SH3D19: variants seen among roughly 807,000 people sequenced by gnomAD.
SH3D19 encodes SH3 domain containing 19, also known as SH3 domain-containing protein 19.
In SH3D19, 58 loss-of-function variants were observed where a neutral mutation model predicts 112.1. The observed-to-expected ratio is 0.52, with a 90% CI of 0.42 to 0.64. SH3D19 has a LOEUF of 0.64. Ranked by LOEUF, SH3D19 falls within the 30% of genes least tolerant of loss-of-function variation. The pLI is 0.00. For synonymous variants in SH3D19, 391 were observed against 448.5 expected (o/e 0.87, Z 1.62); for missense variants, 1,090 against 1,263.4 (o/e 0.86, Z 2.08).
At chr4:151,246,224 A>C (rs28650996) in intron 1 of SH3D19, among the ~76,000 whole-genome samples, 49,878 of 152,086 alleles carry the variant, frequency 0.33, 9,494 homozygotes, top group Non-Finnish European at 0.44. Context: ...TGGTATATAT[A>C]TAGATGGGTA....
chr4:151,242,647 G>A (rs1170610571), intron 1 of SH3D19, among the ~76,000 whole-genome samples: 1 of 152,068 alleles, frequency 6.6e-6, no homozygotes, highest in East Asian at 1.9e-4. Flanking sequence ...AAACTGAAAT[G>A]GAATGAAAAG....
chr4:151,227,767 T>G, intron 1 of SH3D19: 1 of 985,464 alleles, frequency 1.0e-6, no homozygotes, highest in Non-Finnish European at 1.2e-6. Flanking sequence ...TACCTGTGGC[T>G]AAAGCCGAGC....
rs1580381578 is a variant in SH3D19 at position 151,277,279 on chromosome 4, G to A, written c.112+47962C>T. 6 of 1,370,268 alleles carry A rather than the reference G, an allele frequency of 4.4e-6. No individual in the cohort carries two copies. The East Asian group carries it at 1.5e-4, about 35-fold the overall frequency. The allele number at this position is 1,370,268 out of a possible 1,614,324, so 84.9% of individuals were successfully genotyped here. A position where few individuals can be genotyped will look rare whatever the true frequency, so the allele number is the denominator to read the frequency against. On this transcript the variant is annotated intron_variant, in intron 1 of 19. Coordinates refer to ENST00000604030, the MANE Select transcript of SH3D19 (RefSeq NM_001378122.1). ...GAGGCAGAGGATTTTTACTAAAGAG[G>A]GCATCACATAGAACAATGTGACACT...
intron 12 of SH3D19, among the ~76,000 whole-genome samples, chr4:151,142,785 A>T (rs936393790): frequency 6.7e-5 from 10 of 150,294 alleles, no homozygotes; most frequent in Admixed American, 2.7e-4. Context: ...AGTTTTATTT[A>T]AAAAAAAAAT....
intron 19 of SH3D19, among the ~76,000 whole-genome samples, chr4:151,124,488 G>A (rs919246075): frequency 6.6e-6 from 1 of 151,992 alleles, no homozygotes; most frequent in Non-Finnish European, 1.5e-5. Context: ...GGAGGCCAAG[G>A]CAGGTGGATT....
chr4:151,301,223 G>C (rs1728383234), intron 1 of SH3D19, among the ~76,000 whole-genome samples: 1 of 152,064 alleles, frequency 6.6e-6, no homozygotes, highest in South Asian at 2.1e-4. Context: ...CGTGAGATCT[G>C]CTTGTTTTTA....
chr4:151,143,909 C>A lies in SH3D19; in HGVS notation c.2223+1G>T. The A allele has an allele frequency of 1.2e-6, 2 of 1,611,702 alleles. No individual in the cohort carries two copies. Among genetic ancestry groups the A allele is most frequent in the African/African-American group, 2.7e-5 (2 of 74,960 alleles). ...GGGCTGTAACAATATTAATTCCTTA[C>A]GTTTGGTCTGCTTCTAAGATGTTCA... On this transcript the variant is annotated splice_donor_variant, in intron 12 of 19. Transcript: ENST00000604030. LOFTEE classifies it high-confidence loss of function.
At chr4:151,252,090 G>A (rs1174401702) in intron 1 of SH3D19, among the ~76,000 whole-genome samples, 1 of 152,116 alleles carries the variant, frequency 6.6e-6, no homozygotes, top group Non-Finnish European at 1.5e-5. Flanking sequence ...CCTTCCAATT[G>A]GTGAGCTGGG....
At chr4:151,126,622 C>A (rs1411221851) in intron 19 of SH3D19, among the ~76,000 whole-genome samples, 1 of 151,480 alleles carries the variant, frequency 6.6e-6, no homozygotes, top group Non-Finnish European at 1.5e-5. Context: ...GGTGAAACCT[C>A]GTCTCTACTA....
chr4:151,271,887 T>C (rs1322013399), intron 1 of SH3D19, among the ~76,000 whole-genome samples: 1 of 152,204 alleles, frequency 6.6e-6, no homozygotes, highest in East Asian at 1.9e-4. Context: ...ATTATTATTA[T>C]ATTTATTGTG....
intron 7 of SH3D19, among the ~76,000 whole-genome samples, chr4:151,166,856 T>C (rs948826674): frequency 1.3e-5 from 2 of 152,190 alleles, no homozygotes; most frequent in African/African-American, 2.4e-5. Flanking sequence ...CGCCTTCTCT[T>C]CCACTCAGTT....
chr4:151,123,395 T>A (rs1269340716), intron 19 of SH3D19, among the ~76,000 whole-genome samples: 1 of 152,240 alleles, frequency 6.6e-6, no homozygotes, highest in Admixed American at 6.5e-5. Context: ...TTTTGCACTC[T>A]ACATTTATTC....
intron 3 of SH3D19, among the ~76,000 whole-genome samples, chr4:151,185,984 G>A (rs1406323300): frequency 1.3e-5 from 2 of 152,152 alleles, no homozygotes; most frequent in Admixed American, 1.3e-4. Flanking sequence ...AGGTAGCAAC[G>A]AGACAAGATC....
Position 151,176,696 on chromosome 4 carries a change from T to C in SH3D19, c.376-9A>G. The C allele has an allele frequency of 8.1e-7, 1 of 1,231,962 alleles. No homozygotes were observed. Among genetic ancestry groups the C allele is most frequent in the Non-Finnish European group, 1.0e-6 (1 of 987,794 alleles). 76.3% of individuals were successfully genotyped at this position (1,231,962 alleles called of 1,614,324 possible). The stretch of plus-strand genomic sequence containing the variant: ...TCATAAGATGGTGGGAGCTGAAAAG[T>C]AAAGAATGAAGATTTTAGACATCTA... On this transcript the variant is annotated splice_polypyrimidine_tract_variant and intron_variant, in intron 5 of 19. Coordinates refer to ENST00000604030, the MANE Select transcript of SH3D19 (RefSeq NM_001378122.1).
chr4:151,170,320 T>G (rs1019956756), intron 7 of SH3D19, among the ~76,000 whole-genome samples: 4 of 152,144 alleles, frequency 2.6e-5, no homozygotes, highest in African/African-American at 7.2e-5. Context: ...GTTACAAGAT[T>G]AAGCTGAGTT....
At chr4:151,133,837 T>A (rs1040345512) in intron 15 of SH3D19, among the ~76,000 whole-genome samples, 2 of 152,184 alleles carry the variant, frequency 1.3e-5, no homozygotes, top group Admixed American at 1.3e-4. Context: ...TTAAAAGGGC[T>A]TCATTTCTGA....
At chr4:151,165,880 C>A in intron 7 of SH3D19, 184 bp from the exon 8 acceptor site, 1 of 549,484 alleles carries the variant, frequency 1.8e-6, no homozygotes, top group Non-Finnish European at 3.2e-6. Flanking sequence ...ACTTAGTGTT[C>A]TGTAAATAAT....
At chr4:151,139,016 G>T (rs1332494239) in intron 13 of SH3D19, among the ~76,000 whole-genome samples, 1 of 151,904 alleles carries the variant, frequency 6.6e-6, no homozygotes, top group Non-Finnish European at 1.5e-5. Flanking sequence ...TATAGAGACG[G>T]GGTTTCAACA....
At chr4:151,179,210 T>C in intron 4 of SH3D19, 145 bp downstream of exon 4, 1 of 437,076 alleles carries the variant, frequency 2.3e-6, no homozygotes, top group Non-Finnish European at 3.8e-6. Context: ...TTCAAACTTA[T>C]AAGTTAATTC....
Sources: gnomAD v4.1 joint callset for allele counts (sites outside exome capture counted in the v4.1 genomes callset) on GRCh38, gnomAD v4.1.1 for gene constraint, MANE v1.5 for transcripts, NCBI Gene and HGNC (gene_info 2026-07-23, HGNC 2026-07-21) for gene names.